The following ZBTB7C variants were observed in gnomAD, a reference collection of about 807,000 sequenced individuals.
The protein encoded by ZBTB7C is zinc finger and BTB domain containing 7C, also known as zinc finger and BTB domain-containing protein 7C.
Under a neutral mutation model 25.7 loss-of-function variants are expected in ZBTB7C, and 8 were observed. That is an observed-to-expected ratio of 0.31 (90% CI 0.18 to 0.56). The LOEUF (loss-of-function observed/expected upper bound fraction) is 0.56, where lower values mean the gene tolerates loss of function less well. ZBTB7C is among the 20% of genes least tolerant of loss of function. The probability of loss-of-function intolerance (pLI) is 0.91; values close to 1 mark genes in which losing one functional copy is unlikely to be tolerated. For synonymous variants in ZBTB7C, 394 were observed against 369.0 expected (o/e 1.07, Z -0.78); for missense variants, 824 against 855.2 (o/e 0.96, Z 0.46).
rs146112230 is a variant in ZBTB7C at position 48,405,006 on chromosome 18, T to A, written c.-304+4220A>T. Among the ~76,000 whole-genome samples, 56 of 152,324 alleles carry A rather than the reference T, an allele frequency of 3.7e-4. 1 individual carries two copies. In the East Asian group the frequency reaches 0.011, roughly 29 times the overall value. On this transcript the variant is annotated intron_variant, in intron 1 of 4. Transcript: ENST00000590800. ...ACTGAAGTCTCCCCCTGGTAAAACC[T>A]GCTGTGAGCCCCTGAGACAGTTCTG...
At chr18:48,225,027 T>C (rs2043054007) in intron 2 of ZBTB7C, among the ~76,000 whole-genome samples, 1 of 152,216 alleles carries the variant, frequency 6.6e-6, no homozygotes, top group African/African-American at 2.4e-5. Context: ...AGAACTCTCT[T>C]TGTAATATTT....
chr18:48,162,048 G>C (rs1161319759), intron 3 of ZBTB7C, among the ~76,000 whole-genome samples: 2 of 152,142 alleles, frequency 1.3e-5, no homozygotes, highest in Non-Finnish European at 2.9e-5. Flanking sequence ...TGACCCCGCA[G>C]GGGGCGAGGC....
At chr18:48,118,449 T>C (rs1277401498) in intron 3 of ZBTB7C, among the ~76,000 whole-genome samples, 1 of 152,258 alleles carries the variant, frequency 6.6e-6, no homozygotes, top group African/African-American at 2.4e-5. Flanking sequence ...ATAGGGTTAA[T>C]ATATTAACTT....
At chr18:48,302,675 C>A (rs2045573502) in intron 2 of ZBTB7C, among the ~76,000 whole-genome samples, 1 of 150,730 alleles carries the variant, frequency 6.6e-6, no homozygotes, top group Admixed American at 6.6e-5. Context: ...ATATTTGAGT[C>A]TGAACCTGAA....
At chr18:48,244,647 T>C (rs1485785595) in intron 2 of ZBTB7C, among the ~76,000 whole-genome samples, 1 of 152,054 alleles carries the variant, frequency 6.6e-6, no homozygotes, top group Non-Finnish European at 1.5e-5. Flanking sequence ...GAATAGATAA[T>C]TCTCAAAAGA....
chr18:48,303,797 G>A (rs918918705), intron 2 of ZBTB7C, among the ~76,000 whole-genome samples: 2 of 152,158 alleles, frequency 1.3e-5, no homozygotes, highest in Admixed American at 1.3e-4. Context: ...ACCCCTCTGG[G>A]TCTCCATATC....
intron 1 of ZBTB7C, among the ~76,000 whole-genome samples, chr18:48,338,922 G>T (rs1427096478): frequency 2.0e-5 from 3 of 151,884 alleles, no homozygotes; most frequent in East Asian, 1.9e-4. Context: ...GGGGGGGGGG[G>T]GTCCAGGTAG....
chr18:48,045,021 C>CT (rs1345998498), intron 3 of ZBTB7C, among the ~76,000 whole-genome samples: 1 of 152,264 alleles, frequency 6.6e-6, no homozygotes, highest in Non-Finnish European at 1.5e-5. Context: ...GCTCCTGCCT[C>CT]TGATCACAAA....
intron 3 of ZBTB7C, among the ~76,000 whole-genome samples, chr18:48,132,265 T>C (rs186459368): frequency 5.3e-4 from 80 of 152,346 alleles, no homozygotes; most frequent in Non-Finnish European, 1.8e-4. Context: ...TACTGATGCA[T>C]GCTACAAAGC....
rs1271840634 is a variant in ZBTB7C at position 48,330,151 on chromosome 18, C to T, written c.-79+8023G>A. 2.6e-5 allele frequency among the ~76,000 whole-genome samples: 4 copies of T among 152,130 alleles called. No homozygotes were observed. In the East Asian group the frequency reaches 7.7e-4, roughly 29 times the overall value. Reference sequence around the variant, plus strand: ...CTTATGCGTAGCCTTCTAACAAGCTCGGAGGGAGCTAAGCTCTGTCTAGGG... The same window carrying T: ...CTTATGCGTAGCCTTCTAACAAGCTTGGAGGGAGCTAAGCTCTGTCTAGGG... On this transcript the variant is annotated intron_variant, in intron 2 of 4. Transcript: ENST00000590800.
rs541910990 is a variant in ZBTB7C, at chr18:48,387,202, G to C, written c.-304+22024C>G. ...AAGATGCAGAGACAATGAGACTACA[G>C]AGGCAATCGAAGTCTGGTCAAGAGT... On this transcript the variant is annotated intron_variant, in intron 1 of 4. Transcript: ENST00000590800. Among the ~76,000 whole-genome samples the C allele has an allele frequency of 5.9e-5, 9 of 152,346 alleles. No homozygotes were observed. The South Asian group carries it at 1.9e-3, about 32-fold the overall frequency.
intron 3 of ZBTB7C, among the ~76,000 whole-genome samples, chr18:48,141,149 C>A (rs1486186994): frequency 2.7e-5 from 4 of 147,520 alleles, no homozygotes; most frequent in African/African-American, 7.5e-5. Flanking sequence ...CCGCACCACC[C>A]CCCCCACTGT....
intron 2 of ZBTB7C, among the ~76,000 whole-genome samples, chr18:48,326,620 A>G (rs1463713871): frequency 6.6e-6 from 1 of 152,228 alleles, no homozygotes; most frequent in African/African-American, 2.4e-5. Context: ...AAGAAAACTA[A>G]AGAAGTGCTC....
chr18:48,101,470 G>A (rs1568218612), intron 3 of ZBTB7C, among the ~76,000 whole-genome samples: 1 of 152,178 alleles, frequency 6.6e-6, no homozygotes, highest in Non-Finnish European at 1.5e-5. Flanking sequence ...TGAGACATTT[G>A]ATATTGCTTT....
Position 48,396,374 on chromosome 18 carries a change from T to C in ZBTB7C, c.-304+12852A>G, listed in dbSNP as rs141668058. Among the ~76,000 whole-genome samples, 333 of 152,318 alleles carry C rather than the reference T, an allele frequency of 2.2e-3. 1 individual carries two copies. Among genetic ancestry groups the C allele is most frequent in the South Asian group, 5.2e-3 (25 of 4,822 alleles). The stretch of plus-strand genomic sequence containing the variant: ...AGCATTTTCCCTGCCTTCAGGAAGC[T>C]TTCAATAAATACTCTGCAAAAGCCA... On this transcript the variant is annotated intron_variant, in intron 1 of 4. Transcript: ENST00000590800.
chr18:48,278,399 G>C (rs368714759), intron 2 of ZBTB7C, among the ~76,000 whole-genome samples: 1 of 151,998 alleles, frequency 6.6e-6, no homozygotes, highest in South Asian at 2.1e-4. Flanking sequence ...AAGTAGAAGA[G>C]AGAAAAGCTG....
chr18:48,223,580 T>C (rs534973663), intron 2 of ZBTB7C, among the ~76,000 whole-genome samples: 2 of 152,276 alleles, frequency 1.3e-5, no homozygotes, highest in Non-Finnish European at 2.9e-5. Context: ...TGTGCACACA[T>C]TGGCGGGGAG....
intron 2 of ZBTB7C, among the ~76,000 whole-genome samples, chr18:48,299,869 AT>A (rs2045500219): frequency 1.3e-5 from 2 of 152,224 alleles, no homozygotes; most frequent in African/African-American, 4.8e-5. Flanking sequence ...TTTATGCCAC[AT>A]TTATCCCCAA....
In ZBTB7C at chr18:48,040,515, T is replaced by A. The variant is rs2036180842; in HGVS notation, c.593A>T (p.Lys198Met). Residue 198 changes from lysine (K) to methionine (M), a missense_variant, in exon 4 of 5, where the codon AAG becomes ATG. Coordinates refer to ENST00000590800, the MANE Select transcript of ZBTB7C (RefSeq NM_001318841.2). ...SPSKTDHLTE[K>M]AYSDTPRDFP... is the part of the protein sequence containing the mutation. Reference sequence around the variant, plus strand: ...GTCCCTGGGGGTGTCTGAATAGGCCTTCTCTGTGAGATGGTCTGTCTTGGA... The same window carrying A: ...GTCCCTGGGGGTGTCTGAATAGGCCATCTCTGTGAGATGGTCTGTCTTGGA... The A allele has an allele frequency of 1.9e-6, 3 of 1,613,758 alleles. No homozygotes were observed. Among genetic ancestry groups the A allele is most frequent in the Non-Finnish European group, 2.5e-6 (3 of 1,179,912 alleles).
Sources: allele counts gnomAD v4.1 joint callset (sites outside exome capture counted in the v4.1 genomes callset), GRCh38; gene constraint gnomAD v4.1.1; transcripts MANE v1.5; gene names NCBI Gene and HGNC (gene_info 2026-07-23, HGNC 2026-07-21).